The following CADPS2 variants were observed in gnomAD, a reference collection of about 807,000 sequenced individuals.
CADPS2 encodes the protein calcium-dependent secretion activator 2.
CADPS2 carries 93 observed loss-of-function variants against 172.5 expected under a neutral mutation model. That is an observed-to-expected ratio of 0.54 (90% confidence interval 0.46 to 0.64). CADPS2 has a LOEUF of 0.64. Among genes scored for constraint, CADPS2 ranks in the 30% least tolerant of loss-of-function variants. The pLI, the probability that CADPS2 is intolerant of heterozygous loss-of-function variation, is 0.00. For synonymous variants in CADPS2, 546 were observed against 555.2 expected, an observed-to-expected ratio of 0.98 and a Z score of 0.23; for missense variants, 1,420 against 1,565.9, an observed-to-expected ratio of 0.91 and a Z score of 1.57.
chr7:122,371,796 T>A (rs143455305), intron 25 of CADPS2, among the ~76,000 whole-genome samples: 1 of 152,102 alleles, frequency 6.6e-6, no homozygotes, highest in African/African-American at 2.4e-5. Flanking sequence ...GCAGATTCTA[T>A]AAAGACAGGG....
intron 2 of CADPS2, among the ~76,000 whole-genome samples, chr7:122,664,939 T>A (rs1774324596): frequency 6.7e-6 from 1 of 148,704 alleles, no homozygotes; most frequent in Non-Finnish European, 1.5e-5. Context: ...ACACACACCA[T>A]CATGCCTGGG....
chr7:122,350,850 G>T (rs1034321256), intron 27 of CADPS2, among the ~76,000 whole-genome samples: 2 of 151,922 alleles, frequency 1.3e-5, no homozygotes, highest in African/African-American at 4.8e-5. Context: ...GCCAGGCATG[G>T]TGGTGCATCC....
intron 1 of CADPS2, among the ~76,000 whole-genome samples, chr7:122,851,906 C>G (rs966418310): frequency 1.3e-5 from 2 of 152,146 alleles, no homozygotes; most frequent in Non-Finnish European, 2.9e-5. Flanking sequence ...AGAGCCCTTA[C>G]TGTATAGACT....
At chr7:122,457,585 G>A (rs2053941973) in intron 14 of CADPS2, among the ~76,000 whole-genome samples, 1 of 152,274 alleles carries the variant, frequency 6.6e-6, no homozygotes, top group Admixed American at 6.5e-5. Flanking sequence ...GGTCTGAGAA[G>A]CCTGATAGTA....
chr7:122,825,773 A>G (rs1804698099), intron 1 of CADPS2, among the ~76,000 whole-genome samples: 1 of 152,146 alleles, frequency 6.6e-6, no homozygotes, highest in Non-Finnish European at 1.5e-5. Flanking sequence ...GCATGCCCCA[A>G]TGTTAATGTT....
chr7:122,836,925 G>A (rs1350618686), intron 1 of CADPS2, among the ~76,000 whole-genome samples: 2 of 152,090 alleles, frequency 1.3e-5, no homozygotes, highest in Non-Finnish European at 1.5e-5. Flanking sequence ...GCACCAAGCG[G>A]ACCTAATAGA....
chr7:122,676,373 G>C (rs1368327523), intron 2 of CADPS2, among the ~76,000 whole-genome samples: 1 of 152,088 alleles, frequency 6.6e-6, no homozygotes, highest in African/African-American at 2.4e-5. Context: ...GAAAATACAT[G>C]TCTTTTGCCA....
At chr7:122,397,573 T>C (rs1320256808) in intron 20 of CADPS2, among the ~76,000 whole-genome samples, 1 of 152,146 alleles carries the variant, frequency 6.6e-6, no homozygotes, top group East Asian at 1.9e-4. Flanking sequence ...CACCCTACAC[T>C]ACACTTGTCT....
At chr7:122,629,179 C>T (rs2076345267) in intron 4 of CADPS2, 69 bp downstream of exon 4, 4 of 1,260,084 alleles carry the variant, frequency 3.2e-6, no homozygotes, top group Non-Finnish European at 4.4e-6. Flanking sequence ...ATACAAAACA[C>T]TTTTTCAGCT....
chr7:122,731,105 C>CT (rs1287544264), intron 2 of CADPS2, among the ~76,000 whole-genome samples: 5 of 151,478 alleles, frequency 3.3e-5, no homozygotes, highest in Non-Finnish European at 7.4e-5. Flanking sequence ...GATTTTAATA[C>CT]TTTTTTGGTA....
At chr7:122,465,365 C>T (rs1005332708) in intron 14 of CADPS2, among the ~76,000 whole-genome samples, 1 of 152,050 alleles carries the variant, frequency 6.6e-6, no homozygotes, top group Non-Finnish European at 1.5e-5. Flanking sequence ...AAATAAATTC[C>T]CAAGCCCAGA....
intron 2 of CADPS2, among the ~76,000 whole-genome samples, chr7:122,664,295 T>G (rs370739196): frequency 4.8e-4 from 73 of 152,254 alleles, no homozygotes; most frequent in African/African-American, 1.6e-3. Context: ...AGAATATACC[T>G]GTCCCCATCC....
chr7:122,597,210 C>G (rs779836703), intron 6 of CADPS2, among the ~76,000 whole-genome samples: 1 of 152,026 alleles, frequency 6.6e-6, no homozygotes, highest in Admixed American at 6.6e-5. Flanking sequence ...TATCATCATA[C>G]GTCAGTTAAA....
At chr7:122,415,257 T>C (rs1332970609) in intron 18 of CADPS2, among the ~76,000 whole-genome samples, 1 of 152,124 alleles carries the variant, frequency 6.6e-6, no homozygotes, top group Non-Finnish European at 1.5e-5. Flanking sequence ...TAAAGTTTTG[T>C]TTTATAGTAT....
intron 1 of CADPS2, among the ~76,000 whole-genome samples, chr7:122,800,960 C>A (rs1218498542): frequency 6.7e-6 from 1 of 149,580 alleles, no homozygotes; most frequent in Non-Finnish European, 1.5e-5. Context: ...CCACTGTACT[C>A]CAGCCTGTGC....
At chr7:122,541,967 CAT>C (rs1418084770) in intron 8 of CADPS2, among the ~76,000 whole-genome samples, 3 of 149,578 alleles carry the variant, frequency 2.0e-5, no homozygotes, top group Non-Finnish European at 3.0e-5. Context: ...TGGAATATAT[CAT>C]ATGTGTAATA....
intron 6 of CADPS2, among the ~76,000 whole-genome samples, chr7:122,587,179 C>T (rs1168329699): frequency 4.6e-5 from 7 of 151,508 alleles, no homozygotes; most frequent in Admixed American, 4.6e-4. Context: ...TAATGTATGC[C>T]ACAGTGGTTT....
Position 122,461,100 on chromosome 7 carries a change from T to C in CADPS2, c.2187-9625A>G, listed in dbSNP as rs920528707. On this transcript the variant is annotated intron_variant, in intron 14 of 29. Coordinates refer to ENST00000449022, the MANE Select transcript of CADPS2 (RefSeq NM_017954.11). ...GTATAGTTACAAAGCCCAAAATAGT[T>C]GTCATGTTTACTGTAGAGCCCTTCA... Among the ~76,000 whole-genome samples, 10 of 152,344 alleles carry C rather than the reference T, an allele frequency of 6.6e-5. No individual in the cohort carries two copies. In the South Asian group the frequency reaches 1.0e-3, roughly 16 times the overall value.
intron 6 of CADPS2, among the ~76,000 whole-genome samples, chr7:122,612,054 CT>C: frequency 6.6e-6 from 1 of 152,040 alleles, no homozygotes; most frequent in South Asian, 2.1e-4. Flanking sequence ...TAGAAATGAA[CT>C]TCCTTAAACT....
Sources: gnomAD v4.1 joint callset for allele counts (sites outside exome capture counted in the v4.1 genomes callset) on GRCh38, gnomAD v4.1.1 for gene constraint, MANE v1.5 for transcripts, NCBI Gene and HGNC (gene_info 2026-07-23, HGNC 2026-07-21) for gene names.